Variants in SGCD observed in about 807,000 individuals in gnomAD.
SGCD encodes the protein sarcoglycan delta.
In SGCD, 18 loss-of-function variants were observed where a neutral mutation model predicts 36.6. The observed-to-expected ratio is 0.49, with a 90% CI of 0.34 to 0.73. SGCD has a LOEUF of 0.73. Ranked by LOEUF, SGCD falls within the 30% of genes least tolerant of loss-of-function variation. The pLI is 0.01. For missense variants in SGCD, 387 were observed against 346.7 expected (o/e 1.12, Z -0.92); for synonymous variants, 133 against 130.6 (o/e 1.02, Z -0.12).
At chr5:156,035,503 A>G (rs1759467556) in intron 1 of SGCD, among the ~76,000 whole-genome samples, 1 of 152,118 alleles carries the variant, frequency 6.6e-6, no homozygotes, top group Non-Finnish European at 1.5e-5. Flanking sequence ...GCAGTTACTC[A>G]GGAGGCTAAG....
At chr5:156,308,274 AAG>A (rs1767286299) in intron 3 of SGCD, among the ~76,000 whole-genome samples, 1 of 150,550 alleles carries the variant, frequency 6.6e-6, no homozygotes, top group Non-Finnish European at 1.5e-5. Flanking sequence ...GCAGGAGAGA[AAG>A]AGAGCAAAGG....
chr5:156,202,154 T>C (rs1011861441), intron 3 of SGCD, among the ~76,000 whole-genome samples: 2 of 152,204 alleles, frequency 1.3e-5, no homozygotes, highest in African/African-American at 4.8e-5. Context: ...TTTCTTGGCC[T>C]TTGCCGTTAA....
intron 3 of SGCD, among the ~76,000 whole-genome samples, chr5:156,480,382 G>C (rs1003169708): frequency 6.6e-6 from 1 of 152,194 alleles, no homozygotes; most frequent in South Asian, 2.1e-4. Context: ...AGCTGCTCCA[G>C]GCATTACATT....
the SGCD span, among the ~76,000 whole-genome samples, chr5:155,740,020 C>T: frequency 6.6e-6 from 1 of 152,230 alleles, no homozygotes; most frequent in Non-Finnish European, 1.5e-5. Context: ...TTAACCTCCA[C>T]TAGCTCAAAC....
At position 156,558,088 on chromosome 5, in the gene SGCD, A is replaced by AATGTATATATAT. The variant is rs1330398244; in HGVS notation, c.295-31141_295-31140insGTATATATATAT. 3.2e-3 allele frequency among the ~76,000 whole-genome samples: 302 copies of AATGTATATATAT among 95,568 alleles called. 6 individuals carry two copies. The highest frequency in any genetic ancestry group is 0.011 in the African/African-American group (290 of 25,334). 62.7% of individuals were successfully genotyped at this position (95,568 alleles called of 152,430 possible). A position where few individuals can be genotyped will look rare whatever the true frequency, so the allele number is the denominator to read the frequency against. On this transcript the variant is annotated intron_variant, in intron 4 of 8. Transcript: ENST00000337851. ...ACTGAGTGTGTTATTAGTAAATACA[A>AATGTATATATAT]ATATATATATATATATATATATATA...
At chr5:156,615,928 T>C (rs963884977) in intron 6 of SGCD, among the ~76,000 whole-genome samples, 2 of 152,166 alleles carry the variant, frequency 1.3e-5, no homozygotes, top group Non-Finnish European at 2.9e-5. Flanking sequence ...AAAAATATAG[T>C]CTTGGCTTGG....
intron 3 of SGCD, among the ~76,000 whole-genome samples, chr5:156,395,937 G>C (rs1771825816): frequency 6.6e-6 from 1 of 152,110 alleles, no homozygotes; most frequent in African/African-American, 2.4e-5. Flanking sequence ...GACTGTAGTT[G>C]GTCTACCAGA....
At chr5:155,948,879 T>A (rs1757498010) in intron 1 of SGCD, among the ~76,000 whole-genome samples, 1 of 152,218 alleles carries the variant, frequency 6.6e-6, no homozygotes, top group Non-Finnish European at 1.5e-5. Flanking sequence ...AGACATAGTC[T>A]ATAAGATTTG....
At chr5:156,031,571 C>T (rs1263567510) in intron 1 of SGCD, among the ~76,000 whole-genome samples, 1 of 152,112 alleles carries the variant, frequency 6.6e-6, no homozygotes, top group South Asian at 2.1e-4. Flanking sequence ...ATTATTCTTA[C>T]CAAATTAAAA....
chr5:155,771,582 G>A, the SGCD span, among the ~76,000 whole-genome samples: 32 of 151,970 alleles, frequency 2.1e-4, no homozygotes, highest in Middle Eastern at 3.4e-3. Flanking sequence ...CAATGTGCCC[G>A]GCTAAATTTT....
chr5:155,919,085 C>G (rs1756816671), intron 1 of SGCD, among the ~76,000 whole-genome samples: 1 of 152,154 alleles, frequency 6.6e-6, no homozygotes, highest in Non-Finnish European at 1.5e-5. Context: ...GTTTGAATTC[C>G]TTTTCCAATT....
rs1763510635 is a variant in SGCD at position 156,652,769 on chromosome 5, G to A, written c.575+5233G>A. Among the ~76,000 whole-genome samples, 4 of 151,778 alleles carry A rather than the reference G, an allele frequency of 2.6e-5. No homozygotes were observed. In the South Asian group the frequency reaches 8.3e-4, roughly 31 times the overall value. ...GGGGGGTATGTTCTTTTGATGCCTAGTTTTTTGGGTTTTTTTTGAGGGTTT... is the reference window on the plus strand; with the variant it reads ...GGGGGGTATGTTCTTTTGATGCCTAATTTTTTGGGTTTTTTTTGAGGGTTT... On this transcript the variant is annotated intron_variant, in intron 7 of 8. Coordinates refer to ENST00000337851, the MANE Select transcript of SGCD (RefSeq NM_000337.6).
At chr5:156,742,030 C>A (rs1207389753) in intron 7 of SGCD, among the ~76,000 whole-genome samples, 1 of 152,168 alleles carries the variant, frequency 6.6e-6, no homozygotes, top group African/African-American at 2.4e-5. Flanking sequence ...CACCCACCAC[C>A]ACGCCTGGCT....
At chr5:156,526,000 A>G (rs1757626857) in intron 4 of SGCD, among the ~76,000 whole-genome samples, 1 of 152,134 alleles carries the variant, frequency 6.6e-6, no homozygotes, top group African/African-American at 2.4e-5. Context: ...ACTTTTTAAT[A>G]TAATTTGTAA....
At chr5:156,047,376 G>A (rs1243952224) in intron 1 of SGCD, among the ~76,000 whole-genome samples, 1 of 152,128 alleles carries the variant, frequency 6.6e-6, no homozygotes, top group Non-Finnish European at 1.5e-5. Flanking sequence ...TGATGTCTAG[G>A]ACTTTCATAG....
intron 7 of SGCD, among the ~76,000 whole-genome samples, chr5:156,710,480 G>A (rs157347): frequency 0.92 from 139,976 of 152,256 alleles, 64,522 homozygotes; most frequent in East Asian, 0.99. Flanking sequence ...GACCCATAAC[G>A]CAGCCCCAGG....
chr5:156,610,654 G>T (rs1761750344), intron 6 of SGCD, among the ~76,000 whole-genome samples: 1 of 152,248 alleles, frequency 6.6e-6, no homozygotes, highest in Non-Finnish European at 1.5e-5. Flanking sequence ...AGTCTGCAGA[G>T]GCAGGCAGGT....
At chr5:156,032,489 C>A (rs939129916) in intron 1 of SGCD, among the ~76,000 whole-genome samples, 1 of 151,658 alleles carries the variant, frequency 6.6e-6, no homozygotes, top group African/African-American at 2.4e-5. Context: ...GAGGCCAGGG[C>A]AGGCAGATCA....
At chr5:156,505,800 CA>C (rs1561741880) in intron 3 of SGCD, among the ~76,000 whole-genome samples, 5 of 152,194 alleles carry the variant, frequency 3.3e-5, no homozygotes, top group East Asian at 1.9e-4. Flanking sequence ...CACACACACA[CA>C]CACCCCTACC....
Sources: allele counts gnomAD v4.1 joint callset (sites outside exome capture counted in the v4.1 genomes callset), GRCh38; gene constraint gnomAD v4.1.1; transcripts MANE v1.5; gene names NCBI Gene and HGNC (gene_info 2026-07-23, HGNC 2026-07-21).